ANKRD55: variants seen among roughly 807,000 people sequenced by gnomAD.
ANKRD55 encodes ankyrin repeat domain 55.
A neutral mutation model predicts 60.6 loss-of-function variants in ANKRD55; 41 were observed. The ratio of observed to expected loss-of-function variants is 0.68; its 90% CI spans 0.53 to 0.88. The LOEUF (loss-of-function observed/expected upper bound fraction) is 0.88, where lower values mean the gene tolerates loss of function less well. Among genes scored for constraint, ANKRD55 ranks in the 40% least tolerant of loss-of-function variants. ANKRD55 has a pLI of 0.00. For synonymous variants in ANKRD55, 264 were observed against 290.3 expected (o/e 0.91, Z 0.92); for missense variants, 732 against 767.6 (o/e 0.95, Z 0.55).
chr5:56,170,187 T>A (rs1758577558), intron 5 of ANKRD55, among the ~76,000 whole-genome samples: 1 of 152,214 alleles, frequency 6.6e-6, no homozygotes, highest in African/African-American at 2.4e-5. Context: ...GACATTAACC[T>A]TTCTGCCCAG....
At chr5:56,116,507 G>T in intron 9 of ANKRD55, 108 bp downstream of exon 9, 3 of 887,198 alleles carry the variant, frequency 3.4e-6, no homozygotes, top group Non-Finnish European at 4.7e-6. Flanking sequence ...TATTATAAAA[G>T]TATAATAATA....
chr5:56,111,672 C>G lies in ANKRD55; in HGVS notation c.1076G>C (p.Arg359Thr), dbSNP rs1334251345. The G allele has an allele frequency of 6.6e-7, 1 of 1,524,452 alleles. No homozygotes were observed. The allele number at this position is 1,524,452 out of a possible 1,614,324, so 94.4% of individuals were successfully genotyped here. The change falls in exon 10 of 12, where the codon AGA becomes ACA. Residue 359 changes from arginine to threonine, a missense_variant. Physicochemically the swap from Arg to Thr is moderately conservative, Grantham distance 71. Transcript: ENST00000341048. ...CCTGCTGGGATCCTTCTGATGGGCTCTCTGCTCTTCTTTCTTGTTTTTGCA... is the reference window on the plus strand; with the variant it reads ...CCTGCTGGGATCCTTCTGATGGGCTGTCTGCTCTTCTTTCTTGTTTTTGCA... ...IFCKNKKEEQ[R>T]AHQKDPSRDR...
intron 8 of ANKRD55, among the ~76,000 whole-genome samples, chr5:56,120,198 A>C (rs1756999071): frequency 6.6e-6 from 1 of 151,990 alleles, no homozygotes; most frequent in African/African-American, 2.4e-5. Context: ...CACCACACCC[A>C]GCTAATTTTT....
At chr5:56,142,985 G>A (rs1757809540) in intron 7 of ANKRD55, among the ~76,000 whole-genome samples, 1 of 152,140 alleles carries the variant, frequency 6.6e-6, no homozygotes, top group Admixed American at 6.5e-5. Flanking sequence ...AAAGTCCCAG[G>A]TGCCCACTTC....
At position 56,118,424 on chromosome 5, in the gene ANKRD55, G is replaced by T. The variant is rs147977961; in HGVS notation, c.798-1642C>A. Among the ~76,000 whole-genome samples, 836 of 152,208 alleles carry T rather than the reference G, an allele frequency of 5.5e-3. 30 individuals are homozygous for T. The East Asian group carries it at 0.096, about 17-fold the overall frequency. ...GTGGATCACAAGGTCAGGAGATCGA[G>T]ACCATCCTGGCTAACATGATGAAAC... On this transcript the variant is annotated intron_variant, in intron 8 of 11. Coordinates refer to ENST00000341048, the MANE Select transcript of ANKRD55 (RefSeq NM_024669.3).
chr5:56,151,656 T>C (rs1163095595), intron 6 of ANKRD55, among the ~76,000 whole-genome samples: 1 of 151,686 alleles, frequency 6.6e-6, no homozygotes, highest in Admixed American at 6.6e-5. Context: ...CCACAAAAAA[T>C]ACAAAAATTA....
At chr5:56,203,926 GGTTGA>G (rs1428476674) in intron 2 of ANKRD55, among the ~76,000 whole-genome samples, 1 of 151,890 alleles carries the variant, frequency 6.6e-6, no homozygotes, top group African/African-American at 2.4e-5. Flanking sequence ...CTTCCACAAT[GGTTGA>G]ACTAGTTTAC....
Position 56,126,998 on chromosome 5 carries a change from C to G in ANKRD55, c.721G>C (p.Ala241Pro). ...TCATGAATAATATCGCTGAAGCCCG[C>G]TGCCGCTGCGATATGTACACATGTC... The part of the protein sequence containing the change: ...GKTCVHIAAA[A>P]GFSDIIHELA... The change falls in exon 8 of 12, where the codon GCG (alanine) becomes CCG (proline). Residue 241 changes from alanine (A) to proline (P), a missense_variant. Physicochemically the swap from Ala to Pro is conservative, Grantham distance 27. This residue lies in a region of ANKRD55 where 597 missense variants were observed against 607.5 expected (regional missense o/e 0.98). Transcript: ENST00000341048. The G allele has an allele frequency of 6.2e-7, 1 of 1,613,934 alleles. No individual in the cohort carries two copies. Among genetic ancestry groups the G allele is most frequent in the Non-Finnish European group, 8.5e-7 (1 of 1,179,906 alleles).
chr5:56,182,088 G>A (rs955353047), intron 3 of ANKRD55, among the ~76,000 whole-genome samples: 14 of 152,092 alleles, frequency 9.2e-5, no homozygotes, highest in Non-Finnish European at 4.4e-5. Flanking sequence ...GAGATTATGT[G>A]GAATCGATGC....
intron 5 of ANKRD55, among the ~76,000 whole-genome samples, chr5:56,160,206 C>A (rs554218571): frequency 6.6e-6 from 1 of 152,190 alleles, no homozygotes; most frequent in Admixed American, 6.5e-5. Flanking sequence ...CCTAGCCATG[C>A]CCTTTAAGAT....
chr5:56,189,293 A>G (rs1033996879), intron 2 of ANKRD55, among the ~76,000 whole-genome samples: 2 of 149,588 alleles, frequency 1.3e-5, no homozygotes, highest in Non-Finnish European at 1.5e-5. Context: ...CCTGGGCAAC[A>G]GAGCGAGACT....
chr5:56,201,341 A>C (rs558759256), intron 2 of ANKRD55, among the ~76,000 whole-genome samples: 1 of 152,314 alleles, frequency 6.6e-6, no homozygotes, highest in South Asian at 2.1e-4. Context: ...GTGGACCTTC[A>C]CCTGGGCCCT....
intron 2 of ANKRD55, among the ~76,000 whole-genome samples, chr5:56,212,746 G>A (rs757128464): frequency 6.6e-6 from 1 of 152,186 alleles, no homozygotes; most frequent in Non-Finnish European, 1.5e-5. Context: ...GCCTGAAGCC[G>A]GGGTTCTCAA....
rs189662393 is a variant in ANKRD55, at chr5:56,122,912, T to C, written c.797+4010A>G. ...CCCTGAGTAGCTGGGACTACAGGCA[T>C]GTACCACTATGTCCGGCTAATGTTT... is the stretch of plus-strand genomic sequence containing the variant. On this transcript the variant is annotated intron_variant, in intron 8 of 11. Transcript: ENST00000341048. Among the ~76,000 whole-genome samples the C allele has an allele frequency of 4.4e-3, 669 of 151,760 alleles. 5 individuals carry two copies. Among genetic ancestry groups the C allele is most frequent in the African/African-American group, 0.015 (639 of 41,320 alleles).
chr5:56,121,329 G>A (rs997600531), intron 8 of ANKRD55, among the ~76,000 whole-genome samples: 7 of 151,578 alleles, frequency 4.6e-5, no homozygotes, highest in Non-Finnish European at 8.8e-5. Flanking sequence ...TAAAACTCTG[G>A]GCTGTAAAAT....
chr5:56,135,245 T>TCCTA (rs1757531378), intron 7 of ANKRD55, among the ~76,000 whole-genome samples: 1 of 140,316 alleles, frequency 7.1e-6, no homozygotes, highest in African/African-American at 2.7e-5. Context: ...CTTCCTTCCT[T>TCCTA]CCTTCCTTCC....
At chr5:56,169,432 T>C (rs1758556282) in intron 5 of ANKRD55, among the ~76,000 whole-genome samples, 1 of 151,646 alleles carries the variant, frequency 6.6e-6, no homozygotes, top group East Asian at 1.9e-4. Context: ...GTCATTCTTT[T>C]TTTTTTTTTT....
At chr5:56,164,290 C>G (rs929375507) in intron 5 of ANKRD55, among the ~76,000 whole-genome samples, 2 of 152,082 alleles carry the variant, frequency 1.3e-5, no homozygotes, top group African/African-American at 4.8e-5. Context: ...ATGTTCCCAG[C>G]CCTGGAGCTG....
chr5:56,221,766 A>G (rs1443177095), intron 2 of ANKRD55, among the ~76,000 whole-genome samples: 1 of 152,224 alleles, frequency 6.6e-6, no homozygotes, highest in Non-Finnish European at 1.5e-5. Context: ...GCAGTCTGAG[A>G]TCAAACTGCA....
Sources: gnomAD v4.1 joint callset for allele counts (sites outside exome capture counted in the v4.1 genomes callset) on GRCh38, gnomAD v4.1.1 for gene constraint, gnomAD v4.1.1 regional missense constraint, MANE v1.5 for transcripts, NCBI Gene and HGNC (gene_info 2026-07-23, HGNC 2026-07-21) for gene names.